The following ZSCAN25 variants were observed in gnomAD, a reference collection of about 807,000 sequenced individuals.
The protein encoded by ZSCAN25 is zinc finger and SCAN domain-containing protein 25.
A neutral mutation model predicts 38.7 loss-of-function variants in ZSCAN25; 27 were observed. The observed-to-expected ratio is 0.70, with a 90% CI of 0.51 to 0.96. The LOEUF (loss-of-function observed/expected upper bound fraction) is 0.96, where lower values mean the gene tolerates loss of function less well. Among genes scored for constraint, ZSCAN25 ranks in the 40% least tolerant of loss-of-function variants. ZSCAN25 has a pLI of 0.00. For synonymous variants in ZSCAN25, 273 were observed against 277.7 expected, an observed-to-expected ratio of 0.98 and a Z score of 0.17; for missense variants, 637 against 705.9, an observed-to-expected ratio of 0.90 and a Z score of 1.11.
Position 99,632,151 on chromosome 7 carries a change from C to G in ZSCAN25, c.*2131C>G, listed in dbSNP as rs980843069. The G allele has an allele frequency of 2.0e-6, 2 of 985,308 alleles. No individual in the cohort carries two copies. The highest frequency in any genetic ancestry group is 6.1e-5 in the Admixed American group (1 of 16,266). 61.0% of individuals were successfully genotyped at this position (985,308 alleles called of 1,614,324 possible). On this transcript the variant is annotated 3_prime_UTR_variant, in exon 8 of 8. Coordinates refer to ENST00000394152, the MANE Select transcript of ZSCAN25 (RefSeq NM_145115.3). ...GAAGGAGCTGGGCCTTGCTGACTTT[C>G]CTATCTGGCCTCTTCCCTATCTCCT... is the stretch of plus-strand genomic sequence containing the variant.
rs1035458399 is a variant in ZSCAN25 at position 99,629,244 on chromosome 7, G to T, written c.859G>T (p.Ala287Ser). ...ACCCCCACAGGAAGACCTGAAAGGG[G>T]CGCTGGTGGCACTGACATCAGAGAG... ...AKPPQEDLKG[A>S]LVALTSERFG... The change falls in exon 8 of 8, where the codon GCG becomes TCG. Residue 287 changes from alanine (A) to serine (S), a missense_variant. By Grantham distance (99) the Ala-to-Ser change is moderately conservative. Transcript: ENST00000394152. This position sits in a 1 kb window ranked among gnomAD's most constrained non-coding sequence, Gnocchi z 5.6. The T allele has an allele frequency of 6.2e-7, 1 of 1,614,078 alleles. No homozygotes were observed. The highest frequency in any genetic ancestry group is 8.5e-7 in the Non-Finnish European group (1 of 1,179,970).
At chr7:99,652,541 G>A in the ZSCAN25 span, 7 of 1,580,056 alleles carry the variant, frequency 4.4e-6, no homozygotes, top group Non-Finnish European at 6.0e-6. Flanking sequence ...CCATTTCCCT[G>A]GAGACTTGTA....
the ZSCAN25 span, among the ~76,000 whole-genome samples, chr7:99,684,207 T>C: frequency 6.6e-6 from 1 of 150,732 alleles, no homozygotes; most frequent in Non-Finnish European, 1.5e-5. Flanking sequence ...TCTCACTCTG[T>C]CACCCAGGCT....
At chr7:99,678,763 A>G in the ZSCAN25 span, among the ~76,000 whole-genome samples, 1 of 152,232 alleles carries the variant, frequency 6.6e-6, no homozygotes, top group South Asian at 2.1e-4. Context: ...TGAATTCCTA[A>G]GCTTTCTGTG....
the ZSCAN25 span, chr7:99,714,490 C>T: frequency 3.8e-6 from 6 of 1,598,562 alleles, no homozygotes; most frequent in Non-Finnish European, 5.1e-6. Flanking sequence ...GTGCACCGAT[C>T]ATATGTATAT....
At chr7:99,657,072 C>T in the ZSCAN25 span, among the ~76,000 whole-genome samples, 1 of 152,028 alleles carries the variant, frequency 6.6e-6, no homozygotes, top group Non-Finnish European at 1.5e-5. Context: ...TTTTTTGTGT[C>T]TCTGTTTCCT....
At chr7:99,617,513 C>A (rs1018377424) in intron 1 of ZSCAN25, among the ~76,000 whole-genome samples, 8 of 150,724 alleles carry the variant, frequency 5.3e-5, no homozygotes, top group South Asian at 4.2e-4. Flanking sequence ...CCCAGGAGTT[C>A]AAGGTTGCAC....
At chr7:99,689,744 G>T in the ZSCAN25 span, among the ~76,000 whole-genome samples, 1 of 152,148 alleles carries the variant, frequency 6.6e-6, no homozygotes, top group Admixed American at 6.5e-5. Flanking sequence ...CCTTACAAGG[G>T]ATGTGAAGGA....
the ZSCAN25 span, among the ~76,000 whole-genome samples, chr7:99,672,139 C>A: frequency 6.6e-6 from 1 of 152,098 alleles, no homozygotes; most frequent in Non-Finnish European, 1.5e-5. Context: ...GCAACCTCCG[C>A]CTCCCAGGTT....
At chr7:99,708,321 C>A in the ZSCAN25 span, among the ~76,000 whole-genome samples, 3 of 152,140 alleles carry the variant, frequency 2.0e-5, no homozygotes, top group Non-Finnish European at 2.9e-5. Flanking sequence ...AAGTAGATTC[C>A]TGCCTCAAGT....
chr7:99,625,387 A>G (rs1028296780), intron 7 of ZSCAN25, among the ~76,000 whole-genome samples: 4 of 152,160 alleles, frequency 2.6e-5, no homozygotes, highest in East Asian at 3.8e-4. Flanking sequence ...TCTGGTCACT[A>G]TGAAGAGTTA....
the ZSCAN25 span, among the ~76,000 whole-genome samples, chr7:99,678,560 C>G: frequency 6.6e-6 from 1 of 152,160 alleles, no homozygotes; most frequent in Non-Finnish European, 1.5e-5. Flanking sequence ...TCCTGACATT[C>G]AGGAAAGGTG....
the ZSCAN25 span, among the ~76,000 whole-genome samples, chr7:99,643,577 T>C: frequency 6.6e-6 from 1 of 152,070 alleles, no homozygotes. Flanking sequence ...TGTTGAGTTT[T>C]TTGTGGTTTT....
chr7:99,688,008 G>C, the ZSCAN25 span, among the ~76,000 whole-genome samples: 1 of 152,054 alleles, frequency 6.6e-6, no homozygotes, highest in East Asian at 1.9e-4. Flanking sequence ...CCCTAAAAGA[G>C]CTCCTGAAGG....
At chr7:99,672,625 T>C in the ZSCAN25 span, 1 of 1,614,148 alleles carries the variant, frequency 6.2e-7, no homozygotes. Flanking sequence ...CTAGCACTGT[T>C]CTGATCACGT....
chr7:99,665,940 C>A, the ZSCAN25 span, among the ~76,000 whole-genome samples: 6 of 152,298 alleles, frequency 3.9e-5, no homozygotes, highest in East Asian at 1.2e-3. Flanking sequence ...AAAAATAGAT[C>A]TCTCCAACAT....
the ZSCAN25 span, chr7:99,638,483 G>A: frequency 3.3e-6 from 5 of 1,512,670 alleles, no homozygotes; most frequent in African/African-American, 4.1e-5. Context: ...CCTCATCGGT[G>A]CGGTGGCAGT....
At chr7:99,674,686 T>C in the ZSCAN25 span, 3 of 923,652 alleles carry the variant, frequency 3.2e-6, no homozygotes, top group Admixed American at 6.8e-5. Context: ...AAATCAGGCC[T>C]GCTATCTTTC....
chr7:99,629,079 CAAAG>C lies in ZSCAN25; in HGVS notation c.806-111_806-108del. The C allele has an allele frequency of 1.3e-5, 18 of 1,436,754 alleles. No individual in the cohort carries two copies. The highest frequency in any genetic ancestry group is 1.0e-4 in the Admixed American group (4 of 39,532). The allele number at this position is 1,436,754 out of a possible 1,614,324, so 89.0% of individuals were successfully genotyped here. On this transcript the variant is annotated intron_variant, in intron 7 of 7. Coordinates refer to ENST00000394152, the MANE Select transcript of ZSCAN25 (RefSeq NM_145115.3). The surrounding 1 kb of genome is among the most constrained non-coding windows in gnomAD (Gnocchi z 5.6). ...GAAAGCCTGAGTTGAGGTTGTTGGTCAAAGGAAAAAAGAGAAGGAACCATGAATG... is the reference window on the plus strand; with the variant it reads ...GAAAGCCTGAGTTGAGGTTGTTGGTCGAAAAAAGAGAAGGAACCATGAATG...
Sources: gnomAD v4.1 joint callset for allele counts (sites outside exome capture counted in the v4.1 genomes callset) on GRCh38, gnomAD v4.1.1 for gene constraint, Gnocchi (gnomAD v3.1) non-coding constraint, MANE v1.5 for transcripts, NCBI Gene and HGNC (gene_info 2026-07-23, HGNC 2026-07-21) for gene names.